Variants in NKAIN2 observed in about 807,000 individuals in gnomAD.
The protein encoded by NKAIN2 is sodium/potassium transporting ATPase interacting 2.
A neutral mutation model predicts 32.6 loss-of-function variants in NKAIN2; 14 were observed. That is an observed-to-expected ratio of 0.43 (90% CI 0.28 to 0.67). NKAIN2 has a LOEUF of 0.67. Ranked by LOEUF, NKAIN2 falls within the 30% of genes least tolerant of loss-of-function variation. The pLI is 0.17. For missense variants in NKAIN2, 198 were observed against 258.3 expected, an observed-to-expected ratio of 0.77 and a Z score of 1.60; for synonymous variants, 80 against 87.2, an observed-to-expected ratio of 0.92 and a Z score of 0.46.
At chr6:124,777,744 C>A (rs1039859627) in intron 4 of NKAIN2, among the ~76,000 whole-genome samples, 1 of 152,064 alleles carries the variant, frequency 6.6e-6, no homozygotes, top group Admixed American at 6.6e-5. Flanking sequence ...TACTCACAAA[C>A]AAATTCTAGC....
intron 5 of NKAIN2, among the ~76,000 whole-genome samples, chr6:124,811,335 G>T (rs529661496): frequency 6.6e-6 from 1 of 152,142 alleles, no homozygotes; most frequent in East Asian, 1.9e-4. Flanking sequence ...TAGTGGCTTT[G>T]TCATTAATAA....
intron 4 of NKAIN2, among the ~76,000 whole-genome samples, chr6:124,675,248 TGTTAA>T (rs1418775021): frequency 6.6e-6 from 1 of 152,076 alleles, no homozygotes; most frequent in Non-Finnish European, 1.5e-5. Context: ...GTTAAGGTGT[TGTTAA>T]GTTTAGTTTG....
At chr6:124,275,115 A>C (rs980791580) in intron 1 of NKAIN2, among the ~76,000 whole-genome samples, 1 of 152,140 alleles carries the variant, frequency 6.6e-6, no homozygotes, top group African/African-American at 2.4e-5. Flanking sequence ...ATTAACTATG[A>C]AATGGTTATA....
At chr6:124,675,932 T>C (rs915863062) in intron 4 of NKAIN2, among the ~76,000 whole-genome samples, 2 of 152,118 alleles carry the variant, frequency 1.3e-5, no homozygotes, top group African/African-American at 4.8e-5. Context: ...GTTTGTTTAA[T>C]ATCTTTCTTC....
At chr6:124,052,416 T>C (rs1403216073) in intron 1 of NKAIN2, among the ~76,000 whole-genome samples, 1 of 152,056 alleles carries the variant, frequency 6.6e-6, no homozygotes. Context: ...TATCCATTTA[T>C]TTTCACTAAC....
At chr6:124,347,335 G>A (rs1000690329) in intron 2 of NKAIN2, among the ~76,000 whole-genome samples, 3 of 151,896 alleles carry the variant, frequency 2.0e-5, no homozygotes, top group Non-Finnish European at 4.4e-5. Context: ...TTCTCGAGGA[G>A]TATCTTTGTG....
At chr6:124,234,496 C>T (rs968547666) in intron 1 of NKAIN2, among the ~76,000 whole-genome samples, 2 of 152,038 alleles carry the variant, frequency 1.3e-5, no homozygotes, top group African/African-American at 4.8e-5. Flanking sequence ...ATACAATATG[C>T]TCTTTATAAA....
At chr6:124,589,202 T>A (rs780176428) in intron 3 of NKAIN2, among the ~76,000 whole-genome samples, 5 of 152,126 alleles carry the variant, frequency 3.3e-5, no homozygotes, top group Non-Finnish European at 7.4e-5. Context: ...TTTGGCAGAG[T>A]GTTTTCTTTT....
intron 4 of NKAIN2, among the ~76,000 whole-genome samples, chr6:124,686,117 T>G (rs1242441704): frequency 2.0e-5 from 3 of 151,996 alleles, no homozygotes; most frequent in African/African-American, 4.8e-5. Flanking sequence ...GCAGACTCTT[T>G]CAGCTCCTAT....
In NKAIN2 at chr6:124,619,115, C is replaced by G. The variant is rs558837851; in HGVS notation, c.274-39071C>G. Among the ~76,000 whole-genome samples the G allele has an allele frequency of 1.9e-3, 293 of 152,098 alleles. 4 individuals carry two copies. The highest frequency in any genetic ancestry group is 6.8e-3 in the Middle Eastern group (2 of 294). Reference sequence around the variant, plus strand: ...ATATTTAAGGAAGAGAATTACATTACATAATTAGAACATGAAGACCAAATT... The same window carrying G: ...ATATTTAAGGAAGAGAATTACATTAGATAATTAGAACATGAAGACCAAATT... On this transcript the variant is annotated intron_variant, in intron 3 of 6. Coordinates refer to ENST00000368417, the MANE Select transcript of NKAIN2 (RefSeq NM_001040214.3).
chr6:124,342,073 G>A (rs1195952820), intron 2 of NKAIN2, among the ~76,000 whole-genome samples: 1 of 152,110 alleles, frequency 6.6e-6, no homozygotes, highest in Non-Finnish European at 1.5e-5. Context: ...ATTTTGACCA[G>A]GGATGTTTGT....
At position 124,035,453 on chromosome 6, in the gene NKAIN2, C is replaced by T. The variant is rs963911113; in HGVS notation, c.54+231199C>T. ...CTCATCTGATCCTGGAATTCAGGAC[C>T]CTGCATTAGTTTCCCCCGAAATCAT... On this transcript the variant is annotated intron_variant, in intron 1 of 6. Transcript: ENST00000368417. 5.3e-5 allele frequency among the ~76,000 whole-genome samples: 8 copies of T among 152,114 alleles called. No individual in the cohort carries two copies. In the South Asian group the frequency reaches 6.2e-4, roughly 12 times the overall value.
At chr6:124,402,743 C>G (rs1184861658) in intron 3 of NKAIN2, among the ~76,000 whole-genome samples, 1 of 152,048 alleles carries the variant, frequency 6.6e-6, no homozygotes, top group Non-Finnish European at 1.5e-5. Context: ...TAAGTGGGAG[C>G]TAAATATTGA....
In NKAIN2 at chr6:124,824,500, A is replaced by G. The variant is rs1781514920; in HGVS notation, c.*1271A>G. ...AACTGTGCTGTTAACGTAGTTGGCA[A>G]CAAGATGCCTTTGGAAACTTAATAG... On this transcript the variant is annotated 3_prime_UTR_variant, in exon 7 of 7. Transcript: ENST00000368417. The G allele has an allele frequency of 6.6e-6, 1 of 152,182 alleles. No homozygotes were observed. Among genetic ancestry groups the G allele is most frequent in the Admixed American group, 6.6e-5 (1 of 15,264 alleles). The allele number at this position is 152,182 out of a possible 1,614,324, so 9.4% of individuals were successfully genotyped here.
chr6:124,215,475 T>C (rs1279257653), intron 1 of NKAIN2, among the ~76,000 whole-genome samples: 1 of 152,166 alleles, frequency 6.6e-6, no homozygotes, highest in Admixed American at 6.5e-5. Flanking sequence ...ATACATTATG[T>C]GGAAACTTTA....
At chr6:124,199,060 A>G (rs921749517) in intron 1 of NKAIN2, among the ~76,000 whole-genome samples, 5 of 152,188 alleles carry the variant, frequency 3.3e-5, no homozygotes, top group Admixed American at 3.3e-4. Context: ...ATAATATTAA[A>G]ATGATGTGTC....
chr6:124,796,779 G>C, intron 5 of NKAIN2, among the ~76,000 whole-genome samples: 1 of 152,162 alleles, frequency 6.6e-6, no homozygotes, highest in East Asian at 1.9e-4. Context: ...TTCATGAAAA[G>C]GCAGTGATAC....
rs141845575 is a variant in NKAIN2, at chr6:124,480,762, C to T, written c.273+125415C>T. ...CATTTTTCTATTTGCTATTTGTTGC[C>T]GTGTTAATAGAAAAGTGTAATATCT... On this transcript the variant is annotated intron_variant, in intron 3 of 6. Transcript: ENST00000368417. Among the ~76,000 whole-genome samples, 399 of 151,774 alleles carry T rather than the reference C, an allele frequency of 2.6e-3. 3 individuals are homozygous for T. The highest frequency in any genetic ancestry group is 9.3e-3 in the African/African-American group (386 of 41,362).
intron 3 of NKAIN2, among the ~76,000 whole-genome samples, chr6:124,527,097 G>A (rs480614): frequency 0.92 from 139,249 of 152,156 alleles, 64,480 homozygotes; most frequent in Non-Finnish European, 1. Flanking sequence ...GTGATCCACT[G>A]TATAACCCCC....
Sources: gnomAD v4.1 joint callset for allele counts (sites outside exome capture counted in the v4.1 genomes callset) on GRCh38, gnomAD v4.1.1 for gene constraint, MANE v1.5 for transcripts, NCBI Gene and HGNC (gene_info 2026-07-23, HGNC 2026-07-21) for gene names.